The following PEMT variants were observed in gnomAD, a reference collection of about 807,000 sequenced individuals.
The protein encoded by PEMT is phospholipid methyltransferase.
In PEMT, 23 loss-of-function variants were observed where a neutral mutation model predicts 27.4. That is an observed-to-expected ratio of 0.84 (90% CI 0.60 to 1.19). The LOEUF (loss-of-function observed/expected upper bound fraction) is 1.19, where lower values mean the gene tolerates loss of function less well. Among genes scored for constraint, PEMT ranks in the 50% most tolerant of loss-of-function variants. The pLI is 0.00. For synonymous variants in PEMT, 137 were observed against 139.1 expected (o/e 0.98, Z 0.11); for missense variants, 307 against 310.1 (o/e 0.99, Z 0.07).
chr17:17,505,712 T>C lies in PEMT; in HGVS notation c.*79A>G. On this transcript the variant is annotated 3_prime_UTR_variant, in exon 7 of 7. Coordinates refer to ENST00000255389, the MANE Select transcript of PEMT (RefSeq NM_148172.3). ...GGCGAGCCCTGAGCAGCAGGCACCA[T>C]TCTCGCCCTGCGCAGGGCCTGCCAC... The C allele has an allele frequency of 6.9e-7, 1 of 1,448,274 alleles. No individual in the cohort carries two copies. Among genetic ancestry groups the C allele is most frequent in the Non-Finnish European group, 9.2e-7 (1 of 1,091,264 alleles). The allele number at this position is 1,448,274 out of a possible 1,614,324, so 89.7% of individuals were successfully genotyped here.
intron 2 of PEMT, among the ~76,000 whole-genome samples, chr17:17,527,496 G>C (rs1907758786): frequency 6.6e-6 from 1 of 152,210 alleles, no homozygotes; most frequent in Non-Finnish European, 1.5e-5. Context: ...CTTGCAGCTT[G>C]GAGCTTGGGC....
chr17:17,515,380 G>A (rs373176807), intron 3 of PEMT, among the ~76,000 whole-genome samples: 1 of 152,190 alleles, frequency 6.6e-6, no homozygotes, highest in Admixed American at 6.5e-5. Context: ...CAGGGAGCGG[G>A]TGGGAGAGGC....
intron 2 of PEMT, among the ~76,000 whole-genome samples, chr17:17,563,484 A>T (rs1055923614): frequency 3.9e-5 from 6 of 152,218 alleles, no homozygotes; most frequent in African/African-American, 1.4e-4. Context: ...AGCAAGAAGC[A>T]CAGGGTGCCC....
chr17:17,558,593 G>A (rs1363469685), intron 2 of PEMT, among the ~76,000 whole-genome samples: 1 of 151,656 alleles, frequency 6.6e-6, no homozygotes, highest in East Asian at 1.9e-4. Context: ...TGAAATGGGA[G>A]GATCGCCTGA....
chr17:17,575,603 C>T (rs4646346), intron 2 of PEMT, among the ~76,000 whole-genome samples: 82,948 of 152,082 alleles, frequency 0.55, 22,955 homozygotes, highest in Non-Finnish European at 0.58. Context: ...TGTCAGGAGG[C>T]TGGGGCCAGC....
At chr17:17,507,056 C>T (rs776408234) in intron 5 of PEMT, 41 of 1,027,134 alleles carry the variant, frequency 4.0e-5, no homozygotes, top group Non-Finnish European at 5.7e-5. Flanking sequence ...CCCGCCACAC[C>T]AGTAAGCAGC....
chr17:17,580,464 G>A (rs1158868934), intron 1 of PEMT, among the ~76,000 whole-genome samples: 2 of 151,884 alleles, frequency 1.3e-5, no homozygotes, highest in East Asian at 1.9e-4. Context: ...GTGACAGAAC[G>A]AGACTCCGTC....
chr17:17,576,321 G>GCCCGGGCACCCAAACATC (rs1367909773), intron 2 of PEMT, among the ~76,000 whole-genome samples: 3 of 152,304 alleles, frequency 2.0e-5, no homozygotes, highest in African/African-American at 4.8e-5. Flanking sequence ...CGGTGCTGGT[G>GCCCGGGCACCCAAACATC]CCCGGGCACC....
rs1180582810 is a variant in PEMT at position 17,586,280 on chromosome 17, GAAAGAAAGAAAAAA to G, written c.96+5237_96+5250del. 7.3e-3 allele frequency among the ~76,000 whole-genome samples: 670 copies of G among 92,386 alleles called. 28 individuals are homozygous for G. The highest frequency in any genetic ancestry group is 0.03 in the African/African-American group (622 of 20,432). The allele number at this position is 92,386 out of a possible 152,430, so 60.6% of individuals were successfully genotyped here. A position where few individuals can be genotyped will look rare whatever the true frequency, so the allele number is the denominator to read the frequency against. On this transcript the variant is annotated intron_variant, in intron 1 of 6. Transcript: ENST00000255389. ...AGAAAGAAAGAAAGAAAGAAAGAAA[GAAAGAAAGAAAAAA>G]AAAAACGCAGGTGGAAAATCGGGAG...
Position 17,505,770 on chromosome 17 carries a change from A to G in PEMT, c.*21T>C, listed in dbSNP as rs1454153349. On this transcript the variant is annotated 3_prime_UTR_variant, in exon 7 of 7. Transcript: ENST00000255389. ...AGGCCAGGAGGCTGGCCAGGCCTTC[A>G]GCAAAGCTGTTGCAGCTCAATCAGC... The G allele has an allele frequency of 6.2e-7, 1 of 1,602,516 alleles. No homozygotes were observed. Among genetic ancestry groups the G allele is most frequent in the East Asian group, 2.2e-5 (1 of 44,452 alleles).
intron 2 of PEMT, among the ~76,000 whole-genome samples, chr17:17,527,785 A>G (rs1200172940): frequency 6.6e-6 from 1 of 152,204 alleles, no homozygotes; most frequent in Non-Finnish European, 1.5e-5. Context: ...CAGTGTCCCC[A>G]GGGAGAGGAC....
chr17:17,564,644 G>A (rs957456419), intron 2 of PEMT, among the ~76,000 whole-genome samples: 2 of 152,288 alleles, frequency 1.3e-5, no homozygotes, highest in African/African-American at 4.8e-5. Context: ...TAAGTCCCAT[G>A]AGCAGCCCGC....
chr17:17,530,444 G>C (rs1368113136), intron 2 of PEMT, among the ~76,000 whole-genome samples: 4 of 152,126 alleles, frequency 2.6e-5, no homozygotes, highest in Non-Finnish European at 5.9e-5. Flanking sequence ...GCAGTGAGCT[G>C]AGATGGCACC....
intron 2 of PEMT, among the ~76,000 whole-genome samples, chr17:17,557,592 G>A (rs985002588): frequency 2.5e-4 from 38 of 152,212 alleles, no homozygotes; most frequent in African/African-American, 8.9e-4. Flanking sequence ...AGCCCACAGC[G>A]CCCAGAACAG....
chr17:17,525,183 C>G (rs1438386014), intron 2 of PEMT, among the ~76,000 whole-genome samples: 2 of 152,166 alleles, frequency 1.3e-5, no homozygotes, highest in South Asian at 2.1e-4. Context: ...ATACAGCCCC[C>G]CTCCCCCAAC....
chr17:17,522,748 T>TGGG (rs958721488), intron 2 of PEMT, among the ~76,000 whole-genome samples: 18 of 152,170 alleles, frequency 1.2e-4, no homozygotes, highest in Middle Eastern at 6.8e-3. Context: ...AGGCCCTACC[T>TGGG]GGGAGCTGCT....
chr17:17,530,333 G>T (rs753586854), intron 2 of PEMT, among the ~76,000 whole-genome samples: 3 of 152,088 alleles, frequency 2.0e-5, no homozygotes, highest in Non-Finnish European at 2.9e-5. Context: ...CCGTCTCTAC[G>T]AAAATACAAA....
intron 2 of PEMT, among the ~76,000 whole-genome samples, chr17:17,563,179 C>A (rs1236018837): frequency 6.6e-6 from 1 of 152,110 alleles, no homozygotes; most frequent in African/African-American, 2.4e-5. Context: ...AGACTAAGAG[C>A]CCCTGAGGCC....
chr17:17,546,411 G>A (rs1049696188), intron 2 of PEMT, among the ~76,000 whole-genome samples: 1 of 152,250 alleles, frequency 6.6e-6, no homozygotes, highest in Non-Finnish European at 1.5e-5. Flanking sequence ...GGAGCAGCAG[G>A]GCTTTCTCCA....
Sources: allele counts gnomAD v4.1 joint callset (sites outside exome capture counted in the v4.1 genomes callset), GRCh38; gene constraint gnomAD v4.1.1; transcripts MANE v1.5; gene names NCBI Gene and HGNC (gene_info 2026-07-23, HGNC 2026-07-21).